Variants in NFATC2 observed in about 807,000 individuals in gnomAD.
NFATC2 encodes the protein nuclear factor of activated T cells 2, also known as nuclear factor of activated T-cells, cytoplasmic 2.
A neutral mutation model predicts 87.3 loss-of-function variants in NFATC2; 22 were observed. The ratio of observed to expected loss-of-function variants is 0.25; its 90% CI spans 0.18 to 0.36. The LOEUF (loss-of-function observed/expected upper bound fraction) is 0.36, where lower values mean the gene tolerates loss of function less well. NFATC2 is among the 10% of genes least tolerant of loss of function. The pLI is 1.00. For missense variants in NFATC2, 1,149 were observed against 1,259.1 expected (o/e 0.91, Z 1.32); for synonymous variants, 565 against 542.2 (o/e 1.04, Z -0.58).
chr20:51,540,667 T>TTTTTTTTTGTTTGTTTG (rs1555818370), intron 1 of NFATC2, among the ~76,000 whole-genome samples: 5 of 147,232 alleles, frequency 3.4e-5, no homozygotes, highest in Non-Finnish European at 7.4e-5. Context: ...TGTTTTTTTT[T>TTTTTTTTTGTTTGTTTG]TTTTGAGAAA....
chr20:51,546,658 T>C (rs1334224588), upstream of NFATC2, among the ~76,000 whole-genome samples: 1 of 152,172 alleles, frequency 6.6e-6, no homozygotes, highest in Non-Finnish European at 1.5e-5. Flanking sequence ...TTGGTACTAT[T>C]TGACCCTGGC....
chr20:51,511,122 C>T (rs2076265409), intron 3 of NFATC2, among the ~76,000 whole-genome samples: 1 of 152,216 alleles, frequency 6.6e-6, no homozygotes, highest in Admixed American at 6.5e-5. Context: ...CCACATGTCA[C>T]AGCCTATAGG....
chr20:51,401,673 G>A (rs1399992773), intron 9 of NFATC2, among the ~76,000 whole-genome samples: 30 of 152,040 alleles, frequency 2.0e-4, no homozygotes, highest in East Asian at 3.9e-4. Context: ...TTACTTTTGC[G>A]CCAACCTAAT....
intron 9 of NFATC2, among the ~76,000 whole-genome samples, chr20:51,423,703 T>C (rs952206142): frequency 2.0e-5 from 3 of 152,200 alleles, no homozygotes; most frequent in Non-Finnish European, 4.4e-5. Context: ...AGCAGATGAC[T>C]GGGAGCCCAC....
At chr20:51,441,717 CAAAAA>C (rs11474273) in intron 6 of NFATC2, among the ~76,000 whole-genome samples, 1 of 120,158 alleles carries the variant, frequency 8.3e-6, no homozygotes. Context: ...AACTCCATCT[CAAAAA>C]AAAAAAAAAA....
chr20:51,442,197 C>T (rs1307688570), intron 6 of NFATC2, among the ~76,000 whole-genome samples: 3 of 152,046 alleles, frequency 2.0e-5, no homozygotes, highest in Non-Finnish European at 4.4e-5. Context: ...TTTGGGAAGC[C>T]GAGGTGGGTG....
At chr20:51,391,710 C>G (rs766861917) in intron 10 of NFATC2, among the ~76,000 whole-genome samples, 3 of 152,082 alleles carry the variant, frequency 2.0e-5, no homozygotes, top group Non-Finnish European at 4.4e-5. Flanking sequence ...GGGACAGGGT[C>G]TCACTCTGTT....
At chr20:51,499,800 C>T (rs1600879390) in intron 3 of NFATC2, among the ~76,000 whole-genome samples, 1 of 151,854 alleles carries the variant, frequency 6.6e-6, no homozygotes, top group Non-Finnish European at 1.5e-5. Flanking sequence ...CTTCTGCTTC[C>T]TACCTGTAAA....
chr20:51,496,677 C>T (rs1163436390), intron 3 of NFATC2, among the ~76,000 whole-genome samples: 1 of 152,182 alleles, frequency 6.6e-6, no homozygotes, highest in African/African-American at 2.4e-5. Context: ...ACTTTACAGG[C>T]ACAGAGAAGT....
intron 5 of NFATC2, among the ~76,000 whole-genome samples, chr20:51,473,361 G>A (rs992982153): frequency 5.3e-5 from 8 of 152,026 alleles, no homozygotes; most frequent in Non-Finnish European, 1.2e-4. Context: ...ACAGGGCATG[G>A]GTGGGGGACA....
intron 8 of NFATC2, among the ~76,000 whole-genome samples, chr20:51,433,763 G>GTTCA (rs1568971722): frequency 2.3e-5 from 3 of 133,148 alleles, no homozygotes; most frequent in African/African-American, 1.0e-4. Context: ...GCATGCATGT[G>GTTCA]TGTGTGTGTG....
intron 5 of NFATC2, among the ~76,000 whole-genome samples, chr20:51,472,629 CTTTTTTTTTTT>C (rs1223762055): frequency 4.3e-5 from 4 of 92,728 alleles, no homozygotes; most frequent in African/African-American, 8.8e-5. Context: ...CTTCTTTCTT[CTTTTTTTTTTT>C]TTTTTTTTTT....
intron 4 of NFATC2, among the ~76,000 whole-genome samples, chr20:51,475,084 T>G (rs1473091909): frequency 6.6e-6 from 1 of 151,498 alleles, no homozygotes; most frequent in East Asian, 1.9e-4. Context: ...TTCTCCTGCC[T>G]CAGCCTCCAG....
Position 51,523,685 on chromosome 20 carries a change from A to AG in NFATC2, c.555dup (p.Tyr186LeufsTer10). 1 of 1,613,054 alleles carries AG rather than the reference A, an allele frequency of 6.2e-7. No individual in the cohort carries two copies. Among genetic ancestry groups the AG allele is most frequent in the Non-Finnish European group, 8.5e-7 (1 of 1,179,454 alleles). ...TTGGGCGAGACGCAGGGCGAGGTGTAGGGGGAGAAGGTGTCAGAAATGAAG... is the reference window on the plus strand; with the variant it reads ...TTGGGCGAGACGCAGGGCGAGGTGTAGGGGGGAGAAGGTGTCAGAAATGAAG... On this transcript the variant is annotated frameshift_variant, in exon 2 of 11. Transcript: ENST00000371564. LOFTEE classifies it high-confidence loss of function. The surrounding 1 kb of genome is among the most constrained non-coding windows in gnomAD (Gnocchi z 6.9).
rs111416192 is a variant in NFATC2 at position 51,400,566 on chromosome 20, C to T, written c.2723-1836G>A. Among the ~76,000 whole-genome samples the T allele has an allele frequency of 5.3e-5, 8 of 152,258 alleles. No individual in the cohort carries two copies. In the East Asian group the frequency reaches 7.7e-4, roughly 15 times the overall value. ...AATAGAAAGCATCACATGATGGCTC[C>T]GTCTGCAGCATTCGGAGGTGCAGCT... On this transcript the variant is annotated intron_variant, in intron 9 of 10. Coordinates refer to ENST00000371564, the MANE Select transcript of NFATC2 (RefSeq NM_012340.5).
intron 6 of NFATC2, among the ~76,000 whole-genome samples, chr20:51,454,008 C>G (rs968457790): frequency 3.9e-5 from 6 of 152,136 alleles, no homozygotes; most frequent in African/African-American, 1.4e-4. Flanking sequence ...AATAAAAATA[C>G]AAGTAGCCAA....
intron 1 of NFATC2, among the ~76,000 whole-genome samples, chr20:51,549,790 A>G (rs1331220206): frequency 6.6e-6 from 1 of 152,226 alleles, no homozygotes; most frequent in African/African-American, 2.4e-5. Flanking sequence ...GGCTCGCTTC[A>G]TGGGATGTGA....
At chr20:51,399,865 C>T (rs1202461824) in intron 9 of NFATC2, among the ~76,000 whole-genome samples, 1 of 152,230 alleles carries the variant, frequency 6.6e-6, no homozygotes, top group Non-Finnish European at 1.5e-5. Context: ...AATACCACCT[C>T]TATCCTGACG....
intron 9 of NFATC2, among the ~76,000 whole-genome samples, chr20:51,411,672 C>T (rs979720347): frequency 2.6e-5 from 4 of 151,946 alleles, no homozygotes; most frequent in Admixed American, 6.6e-5. Context: ...GGATTACAGG[C>T]GTGTGCCACC....
Sources: gnomAD v4.1 joint callset for allele counts (sites outside exome capture counted in the v4.1 genomes callset) on GRCh38, gnomAD v4.1.1 for gene constraint, Gnocchi (gnomAD v3.1) non-coding constraint, MANE v1.5 for transcripts, NCBI Gene and HGNC (gene_info 2026-07-23, HGNC 2026-07-21) for gene names.